The following DLD variants were observed in gnomAD, a reference collection of about 807,000 sequenced individuals.
DLD encodes the protein dihydrolipoamide dehydrogenase.
A neutral mutation model predicts 62.2 loss-of-function variants in DLD; 36 were observed. The observed-to-expected ratio is 0.58, with a 90% CI of 0.44 to 0.76. DLD has a LOEUF of 0.76. DLD is among the 30% of genes least tolerant of loss of function. The pLI is 0.00. For missense variants in DLD, 541 were observed against 608.6 expected, an observed-to-expected ratio of 0.89 and a Z score of 1.17; for synonymous variants, 204 against 199.6, an observed-to-expected ratio of 1.02 and a Z score of -0.19.
At chr7:107,907,412 A>T (rs2032034204) in intron 8 of DLD, among the ~76,000 whole-genome samples, 2 of 151,974 alleles carry the variant, frequency 1.3e-5, no homozygotes, top group South Asian at 4.1e-4. Context: ...ACTCTTCTCA[A>T]ATCTCTGCTT....
chr7:107,895,141 A>G (rs1278637181), intron 2 of DLD, among the ~76,000 whole-genome samples: 2 of 152,250 alleles, frequency 1.3e-5, no homozygotes, highest in Non-Finnish European at 2.9e-5. Context: ...TCTCAGGCAC[A>G]GATTTAATCC....
intron 4 of DLD, 84 bp downstream of exon 4, chr7:107,902,477 T>TA (rs1349425135): frequency 3.4e-6 from 4 of 1,161,150 alleles, no homozygotes; most frequent in African/African-American, 3.0e-5. Flanking sequence ...ATTAGACAAA[T>TA]ACACTTGTTA....
chr7:107,916,665 T>A (rs2116268809), intron 9 of DLD, 129 bp from the exon 10 acceptor site: 2 of 994,000 alleles, frequency 2.0e-6, no homozygotes, highest in East Asian at 4.9e-5. Flanking sequence ...AGCAAGACTC[T>A]GTCTCAAAAA....
At position 107,920,238 on chromosome 7, in the gene DLD, T is replaced by TTCCTCA; in HGVS notation, c.*979_*980insTCCTCA. The TTCCTCA allele has an allele frequency of 6.6e-6, 1 of 152,354 alleles. No individual in the cohort carries two copies. The highest frequency in any genetic ancestry group is 2.4e-5 in the African/African-American group (1 of 41,458). 9.4% of individuals were successfully genotyped at this position (152,354 alleles called of 1,614,324 possible). On this transcript the variant is annotated 3_prime_UTR_variant, in exon 14 of 14. Coordinates refer to ENST00000205402, the MANE Select transcript of DLD (RefSeq NM_000108.5). ...TAATGACTGTTTATTTAAAGAGTGT[T>TTCCTCA]GTAAAATTGGATGTGTGGTGTTTAA...
chr7:107,918,701 G>A (rs985140739), intron 12 of DLD, among the ~76,000 whole-genome samples: 3 of 152,140 alleles, frequency 2.0e-5, no homozygotes, highest in African/African-American at 7.2e-5. Context: ...TATACATTTT[G>A]TTATTTTTAC....
rs887738370 is a variant in DLD at position 107,916,497 on chromosome 7, C to T, written c.876-297C>T. 1.9e-4 allele frequency among the ~76,000 whole-genome samples: 29 copies of T among 152,034 alleles called. 1 individual carries two copies. Among genetic ancestry groups the T allele is most frequent in the Admixed American group, 1.8e-3 (28 of 15,254 alleles). On this transcript the variant is annotated intron_variant, in intron 9 of 13. Transcript: ENST00000205402. ...AGACCAGCCTGGCAACATGGTGAAA[C>T]CCCGTCTCTACTAAAAATACAAAAA...
intron 13 of DLD, 27 bp downstream of exon 13, chr7:107,919,126 A>G (rs780814369): frequency 1.9e-6 from 3 of 1,612,120 alleles, no homozygotes; most frequent in African/African-American, 1.3e-5. Context: ...TATAGAATTG[A>G]TGGTTGCCTA....
rs2031558753 is a variant in DLD at position 107,891,199 on chromosome 7, A to G, written c.-52A>G. ...AGGGGAGACCTTGGCGGAGCGGCGG[A>G]GGCGCCCAGCGGAGGTGAAAGTATT... On this transcript the variant is annotated 5_prime_UTR_variant, in exon 1 of 14. Coordinates refer to ENST00000205402, the MANE Select transcript of DLD (RefSeq NM_000108.5). The G allele has an allele frequency of 6.2e-7, 1 of 1,610,240 alleles. No individual in the cohort carries two copies.
chr7:107,902,535 T>A (rs569295087), intron 4 of DLD, 142 bp downstream of exon 4: 2 of 788,886 alleles, frequency 2.5e-6, no homozygotes, highest in African/African-American at 3.4e-5. Flanking sequence ...AAAAAAAGAA[T>A]GATAAAAAAC....
rs369876154 is a variant in DLD, at chr7:107,905,462, T to C, written c.540T>C (p.Leu180=). Residue 180 remains leucine, a synonymous_variant, in exon 7 of 14, where the codon CTT becomes CTC. Transcript: ENST00000205402. ...AGGTTATTGATACAAAGAACATTCT[T>C]ATAGCCACGGGTTCAGAAGTTACTC... ...GTQVIDTKNI[L]IATGSEVTPF... is the part of the protein sequence containing the mutation. 1.9e-6 allele frequency: 3 copies of C among 1,613,694 alleles called. No individual in the cohort carries two copies. Among genetic ancestry groups the C allele is most frequent in the Non-Finnish European group, 2.5e-6 (3 of 1,179,754 alleles).
Position 107,906,295 on chromosome 7 carries a change from C to T in DLD, c.611C>T (p.Thr204Ile). 6.2e-7 allele frequency: 1 copy of T among 1,602,520 alleles called. No individual in the cohort carries two copies. Among genetic ancestry groups the T allele is most frequent in the Non-Finnish European group, 8.5e-7 (1 of 1,169,612 alleles). The change falls in exon 8 of 14, where the codon ACA becomes ATA. Residue 204 changes from threonine (T) to isoleucine (I), a missense_variant. By Grantham distance (89) the Thr-to-Ile change is moderately conservative. Coordinates refer to ENST00000205402, the MANE Select transcript of DLD (RefSeq NM_000108.5). ...GATGAAGATACAATAGTGTCATCTA[C>T]AGGTGCTTTATCTTTAAAAAAAGTT... is the stretch of plus-strand genomic sequence containing the variant. ...TIDEDTIVSS[T>I]GALSLKKVPE...
intron 8 of DLD, among the ~76,000 whole-genome samples, chr7:107,915,160 C>G (rs1292546326): frequency 6.6e-6 from 1 of 152,120 alleles, no homozygotes; most frequent in Non-Finnish European, 1.5e-5. Context: ...TTTATTTTTC[C>G]TGTAGCACTT....
rs78719279 is a variant in DLD, at chr7:107,919,164, G to T, written c.1465-30G>T. ...TTTTCTTCTGACCCACAAATATTTG[G>T]ATTTTAATTTTAAATTTCTTCCCTT... On this transcript the variant is annotated intron_variant, in intron 13 of 13. Transcript: ENST00000205402. The T allele has an allele frequency of 1.6e-3, 2,623 of 1,612,660 alleles. 39 individuals are homozygous for T. In the African/African-American group the frequency reaches 0.031, roughly 19 times the overall value.
intron 4 of DLD, among the ~76,000 whole-genome samples, chr7:107,903,144 A>C (rs2031917674): frequency 1.3e-5 from 2 of 152,132 alleles, no homozygotes; most frequent in Non-Finnish European, 2.9e-5. Context: ...CACGTCTGTA[A>C]TCCCAGCACT....
In DLD at chr7:107,901,818, G is replaced by T; in HGVS notation, c.198+1G>T. 1 of 1,612,262 alleles carries T rather than the reference G, an allele frequency of 6.2e-7. No homozygotes were observed. Among genetic ancestry groups the T allele is most frequent in the Non-Finnish European group, 8.5e-7 (1 of 1,178,510 alleles). Reference sequence around the variant, plus strand: ...TAAAGCTGCCCAGTTAGGCTTCAAGGTAAGGTTTGAACTCAAACTAAGTAT... The same window carrying T: ...TAAAGCTGCCCAGTTAGGCTTCAAGTTAAGGTTTGAACTCAAACTAAGTAT... On this transcript the variant is annotated splice_donor_variant, in intron 3 of 13. Coordinates refer to ENST00000205402, the MANE Select transcript of DLD (RefSeq NM_000108.5). LOFTEE classifies it high-confidence loss of function.
At chr7:107,893,416 A>G in intron 2 of DLD, 138 bp downstream of exon 2, 1 of 682,190 alleles carries the variant, frequency 1.5e-6, no homozygotes, top group South Asian at 2.1e-5. Context: ...TATTCGTTTG[A>G]ATGTATATTG....
In DLD at chr7:107,913,274, T is replaced by TGAA. The variant is rs143688042; in HGVS notation, c.685-2231_685-2229dup. Among the ~76,000 whole-genome samples, 1,393 of 152,016 alleles carry TGAA rather than the reference T, an allele frequency of 9.2e-3. 19 individuals carry two copies. The highest frequency in any genetic ancestry group is 0.032 in the African/African-American group (1,319 of 41,548). The stretch of plus-strand genomic sequence containing the variant: ...TTTTATTCAGGATTACTTTGGCAGT[T>TGAA]GAATATCATTGGTAGTTTAGTAGGG... On this transcript the variant is annotated intron_variant, in intron 8 of 13. Coordinates refer to ENST00000205402, the MANE Select transcript of DLD (RefSeq NM_000108.5).
intron 1 of DLD, chr7:107,891,534 C>G (rs895975232): frequency 6.7e-6 from 4 of 597,744 alleles, no homozygotes; most frequent in Non-Finnish European, 1.2e-5. Context: ...GTGTGACGGC[C>G]GGCGGTCACA....
chr7:107,916,077 AG>A (rs2032261926), intron 9 of DLD, among the ~76,000 whole-genome samples: 2 of 152,178 alleles, frequency 1.3e-5, no homozygotes, highest in Non-Finnish European at 2.9e-5. Flanking sequence ...TTATTGAATT[AG>A]TTTTTAAATA....
Sources: allele counts gnomAD v4.1 joint callset (sites outside exome capture counted in the v4.1 genomes callset), GRCh38; gene constraint gnomAD v4.1.1; transcripts MANE v1.5; gene names NCBI Gene and HGNC (gene_info 2026-07-23, HGNC 2026-07-21).